The following PCNX1 variants were observed in gnomAD, a reference collection of about 807,000 sequenced individuals.
The protein encoded by PCNX1 is pecanex-like protein 1.
Under a neutral mutation model 242.2 loss-of-function variants are expected in PCNX1, and 78 were observed. The observed-to-expected ratio is 0.32, with a 90% CI of 0.27 to 0.39. The LOEUF (loss-of-function observed/expected upper bound fraction) is 0.39, where lower values mean the gene tolerates loss of function less well. Ranked by LOEUF, PCNX1 falls within the 10% of genes least tolerant of loss-of-function variation. The pLI is 1.00. For missense variants in PCNX1, 2,581 were observed against 2,856.5 expected (o/e 0.90, Z 2.20); for synonymous variants, 1,024 against 1,032.9 (o/e 0.99, Z 0.17).
At position 71,029,567 on chromosome 14, in the gene PCNX1, T is replaced by A. The variant is rs1320180241; in HGVS notation, c.3558+776T>A. Among the ~76,000 whole-genome samples, 3 of 152,196 alleles carry A rather than the reference T, an allele frequency of 2.0e-5. 1 individual carries two copies. Among genetic ancestry groups the A allele is most frequent in the Non-Finnish European group, 4.4e-5 (3 of 68,022 alleles). The stretch of plus-strand genomic sequence containing the variant: ...AAGTCAGCCAGCATGTTCAAGACAG[T>A]GTAACGAAGGTTATGAAAACAGTTC... On this transcript the variant is annotated intron_variant, in intron 16 of 35. Transcript: ENST00000304743.
At position 71,080,811 on chromosome 14, in the gene PCNX1, G is replaced by C. The variant is rs536065559; in HGVS notation, c.5337+4392G>C. 7.2e-5 allele frequency among the ~76,000 whole-genome samples: 11 copies of C among 152,208 alleles called. 1 individual carries two copies. The South Asian group carries it at 2.3e-3, about 32-fold the overall frequency. ...TCTAAATATACAGTCATGTCATCTG[G>C]AAACAGAGACAATTTGACTTCCTCT... On this transcript the variant is annotated intron_variant, in intron 28 of 35. Transcript: ENST00000304743.
At position 70,969,253 on chromosome 14, in the gene PCNX1, A is replaced by T. The variant is rs145871353; in HGVS notation, c.604+143A>T. 424 of 618,226 alleles carry T rather than the reference A, an allele frequency of 6.9e-4. No homozygotes were observed. The African/African-American group carries it at 7.0e-3, about 10-fold the overall frequency. 38.3% of individuals were successfully genotyped at this position (618,226 alleles called of 1,614,324 possible). ...AACATTAACATAAAATGTTATGGTG[A>T]TAGTAGTAATACAGAGTTACACATG... On this transcript the variant is annotated intron_variant, in intron 5 of 35. Coordinates refer to ENST00000304743, the MANE Select transcript of PCNX1 (RefSeq NM_014982.3).
chr14:70,907,974 C>T lies in PCNX1; in HGVS notation c.124C>T (p.Leu42=). Residue 42 remains leucine, a synonymous_variant, in exon 1 of 36, where the codon CTG becomes TTG. Coordinates refer to ENST00000304743, the MANE Select transcript of PCNX1 (RefSeq NM_014982.3). The part of the protein sequence containing the change: ...NALHLYLWLF[L]LGLPFTLYMA... ...GCTGCACCTCTACCTGTGGCTCTTTCTGCTGGGCCTGCCCTTCACCCTCTA... is the reference window on the plus strand; with the variant it reads ...GCTGCACCTCTACCTGTGGCTCTTTTTGCTGGGCCTGCCCTTCACCCTCTA... 6.9e-6 allele frequency: 11 copies of T among 1,598,384 alleles called. No homozygotes were observed. Among genetic ancestry groups the T allele is most frequent in the South Asian group, 1.1e-5 (1 of 89,494 alleles).
intron 16 of PCNX1, among the ~76,000 whole-genome samples, chr14:71,029,253 T>C (rs1178598762): frequency 1.3e-5 from 2 of 152,204 alleles, no homozygotes; most frequent in African/African-American, 4.8e-5. Context: ...TGGATGAGCC[T>C]TATGAACTTT....
intron 28 of PCNX1, among the ~76,000 whole-genome samples, chr14:71,082,281 T>A (rs971945211): frequency 1.3e-5 from 2 of 152,220 alleles, no homozygotes; most frequent in Admixed American, 1.3e-4. Context: ...CTTCCAATTA[T>A]GTGGTCAGTT....
intron 1 of PCNX1, among the ~76,000 whole-genome samples, chr14:70,922,531 C>T (rs1282753661): frequency 6.6e-6 from 1 of 151,948 alleles, no homozygotes; most frequent in Non-Finnish European, 1.5e-5. Context: ...CTCTATCATC[C>T]ACGCTACCAG....
At chr14:70,971,978 C>A (rs2058555148) in intron 5 of PCNX1, among the ~76,000 whole-genome samples, 3 of 152,136 alleles carry the variant, frequency 2.0e-5, no homozygotes, top group African/African-American at 7.2e-5. Flanking sequence ...TCAGTGGAAT[C>A]ACTCCGGCTC....
In PCNX1 at chr14:71,047,994, C is replaced by T. The variant is rs2060911937; in HGVS notation, c.4338+10C>T. Reference sequence around the variant, plus strand: ...CATACTCTTCAACAAGGTAATTTATCACTGAAAGGAATATCCTTATCTATA... The same window carrying T: ...CATACTCTTCAACAAGGTAATTTATTACTGAAAGGAATATCCTTATCTATA... On this transcript the variant is annotated intron_variant, in intron 22 of 35. Coordinates refer to ENST00000304743, the MANE Select transcript of PCNX1 (RefSeq NM_014982.3). 6.3e-7 allele frequency: 1 copy of T among 1,593,032 alleles called. No homozygotes were observed. The highest frequency in any genetic ancestry group is 8.6e-7 in the Non-Finnish European group (1 of 1,163,768).
At chr14:70,996,955 T>C (rs2059371251) in intron 8 of PCNX1, among the ~76,000 whole-genome samples, 1 of 152,144 alleles carries the variant, frequency 6.6e-6, no homozygotes, top group Non-Finnish European at 1.5e-5. Context: ...ATGAAAAGTG[T>C]CATGTTCAGA....
rs1566729960 is a variant in PCNX1, at chr14:71,036,163, G to A, written c.3867+6G>A. 1 of 1,547,824 alleles carries A rather than the reference G, an allele frequency of 6.5e-7. No homozygotes were observed. The highest frequency in any genetic ancestry group is 2.2e-5 in the East Asian group (1 of 44,562). On this transcript the variant is annotated splice_donor_region_variant and intron_variant, in intron 19 of 35. Transcript: ENST00000304743. ...CAGTCTTCACAGTATTGCAGGTAAG[G>A]AATCATTTTCTCCTTTTATTTGTTT...
intron 26 of PCNX1, among the ~76,000 whole-genome samples, chr14:71,070,504 T>G: frequency 6.6e-6 from 1 of 152,246 alleles, no homozygotes; most frequent in East Asian, 1.9e-4. Context: ...ATGTACAGAC[T>G]GCAGAACGGA....
At chr14:70,953,587 T>C (rs1023937072) in intron 2 of PCNX1, among the ~76,000 whole-genome samples, 10 of 151,504 alleles carry the variant, frequency 6.6e-5, no homozygotes, top group African/African-American at 2.4e-4. Context: ...ATGATTATCA[T>C]ATACTCTTAA....
At chr14:71,085,828 GT>G in intron 28 of PCNX1, 1 of 357,070 alleles carries the variant, frequency 2.8e-6, no homozygotes. Context: ...CTGGTTCTCT[GT>G]TTTCCTTATC....
intron 28 of PCNX1, among the ~76,000 whole-genome samples, chr14:71,079,408 G>T (rs2061795955): frequency 6.6e-6 from 1 of 152,036 alleles, no homozygotes; most frequent in Admixed American, 6.6e-5. Flanking sequence ...TAGATCCTTG[G>T]GGAATCGCCA....
chr14:70,935,671 CTTAA>C (rs750270411), intron 1 of PCNX1, among the ~76,000 whole-genome samples: 13 of 152,168 alleles, frequency 8.5e-5, no homozygotes, highest in Non-Finnish European at 1.6e-4. Context: ...TTTCTGTCCA[CTTAA>C]TTAATATCAA....
intron 6 of PCNX1, among the ~76,000 whole-genome samples, chr14:70,983,136 A>C (rs2058890108): frequency 6.6e-6 from 1 of 152,160 alleles, no homozygotes; most frequent in Non-Finnish European, 1.5e-5. Flanking sequence ...TGGATGCAAA[A>C]TTGTATCTAA....
At chr14:71,045,342 T>C (rs1280195734) in intron 20 of PCNX1, 59 bp downstream of exon 20, 3 of 1,206,202 alleles carry the variant, frequency 2.5e-6, no homozygotes, top group Non-Finnish European at 3.5e-6. Context: ...CTTTGCTATA[T>C]TGATAGATGA....
chr14:71,020,551 A>T (rs1349502530), intron 12 of PCNX1, among the ~76,000 whole-genome samples: 6 of 151,768 alleles, frequency 4.0e-5, no homozygotes, highest in African/African-American at 1.5e-4. Context: ...GCTTTTTTTC[A>T]TGTTTGTCGG....
chr14:70,988,141 T>C (rs2059053656), intron 6 of PCNX1, among the ~76,000 whole-genome samples: 1 of 152,216 alleles, frequency 6.6e-6, no homozygotes, highest in South Asian at 2.1e-4. Flanking sequence ...TTGCTGCTTT[T>C]ACAATACGAA....
Sources: allele counts gnomAD v4.1 joint callset (sites outside exome capture counted in the v4.1 genomes callset), GRCh38; gene constraint gnomAD v4.1.1; transcripts MANE v1.5; gene names NCBI Gene and HGNC (gene_info 2026-07-23, HGNC 2026-07-21).